Variants in PLPP7 observed in about 807,000 individuals in gnomAD.
The protein encoded by PLPP7 is inactive phospholipid phosphatase 7.
Under a neutral mutation model 16.9 loss-of-function variants are expected in PLPP7, and 11 were observed. The observed-to-expected ratio is 0.65, with a 90% CI of 0.41 to 1.08. PLPP7 has a LOEUF of 1.08. PLPP7 is among the 50% of genes least tolerant of loss of function. PLPP7 has a pLI of 0.00. For missense variants in PLPP7, 358 were observed against 397.1 expected, an observed-to-expected ratio of 0.90 and a Z score of 0.84; for synonymous variants, 174 against 175.1, an observed-to-expected ratio of 0.99 and a Z score of 0.05.
intron 1 of PLPP7, 41 bp from the exon 2 acceptor site, chr9:131,307,882 G>T: frequency 6.6e-7 from 1 of 1,522,252 alleles, no homozygotes; most frequent in Non-Finnish European, 8.8e-7. Flanking sequence ...GGCCTGGCTG[G>T]TGGCCCTGAT....
intron 1 of PLPP7, among the ~76,000 whole-genome samples, chr9:131,293,224 T>G (rs1319582871): frequency 2.3e-5 from 3 of 132,638 alleles, no homozygotes; most frequent in African/African-American, 8.3e-5. Flanking sequence ...TCCTCGCTGC[T>G]CACCGTGGGG....
chr9:131,305,084 A>C (rs927264241), intron 1 of PLPP7, among the ~76,000 whole-genome samples: 1 of 152,224 alleles, frequency 6.6e-6, no homozygotes, highest in Non-Finnish European at 1.5e-5. Flanking sequence ...GGTTCCTCAA[A>C]GAGTCACACA....
intron 1 of PLPP7, among the ~76,000 whole-genome samples, chr9:131,304,852 G>C (rs777702772): frequency 6.6e-6 from 1 of 152,200 alleles, no homozygotes; most frequent in South Asian, 2.1e-4. Context: ...CAGTGACTGC[G>C]GGGGAAAAGC....
At chr9:131,304,851 C>A (rs911300764) in intron 1 of PLPP7, among the ~76,000 whole-genome samples, 1 of 152,142 alleles carries the variant, frequency 6.6e-6, no homozygotes, top group Non-Finnish European at 1.5e-5. Context: ...TCAGTGACTG[C>A]GGGGGAAAAG....
chr9:131,293,590 G>A (rs1564245783), intron 1 of PLPP7, among the ~76,000 whole-genome samples: 1 of 152,228 alleles, frequency 6.6e-6, no homozygotes. Context: ...AGCACACGCT[G>A]CAGGTTCCAT....
chr9:131,292,826 A>C (rs1240521805), intron 1 of PLPP7: 1 of 985,142 alleles, frequency 1.0e-6, no homozygotes, highest in Admixed American at 6.2e-5. Flanking sequence ...TGCCCCAAAC[A>C]TTGAAAAATT....
intron 1 of PLPP7, chr9:131,292,972 T>C: frequency 1.0e-6 from 1 of 984,418 alleles, no homozygotes; most frequent in Non-Finnish European, 1.2e-6. Flanking sequence ...ATAGACATTT[T>C]TAAAAATCTT....
intron 1 of PLPP7, among the ~76,000 whole-genome samples, chr9:131,302,878 G>A (rs574479357): frequency 6.6e-6 from 1 of 152,322 alleles, no homozygotes; most frequent in Admixed American, 6.5e-5. Flanking sequence ...AGGGAGGACT[G>A]CGTGATCTGG....
intron 1 of PLPP7, among the ~76,000 whole-genome samples, chr9:131,303,802 G>A (rs1445410011): frequency 6.6e-6 from 1 of 152,170 alleles, no homozygotes; most frequent in Non-Finnish European, 1.5e-5. Context: ...TGGGAGGTGG[G>A]TGTCCCTGAG....
chr9:131,308,064 C>T lies in PLPP7; in HGVS notation c.593C>T (p.Ala198Val), dbSNP rs1166061490. The change falls in exon 2 of 2, where the codon GCC (alanine) becomes GTC (valine). Residue 198 changes from alanine to valine, a missense_variant. By Grantham distance (64) the Ala-to-Val change is moderately conservative. Coordinates refer to ENST00000372264, the MANE Select transcript of PLPP7 (RefSeq NM_032728.4). ...AFPAGHASRA[A>V]MVSKFFLSHL... Reference sequence around the variant, plus strand: ...CCGGCCGGGCACGCCAGCCGCGCCGCCATGGTGTCCAAGTTCTTCCTCAGC... The same window carrying T: ...CCGGCCGGGCACGCCAGCCGCGCCGTCATGGTGTCCAAGTTCTTCCTCAGC... 1 of 1,601,238 alleles carries T rather than the reference C, an allele frequency of 6.2e-7. No homozygotes were observed. The highest frequency in any genetic ancestry group is 8.5e-7 in the Non-Finnish European group (1 of 1,179,850).
chr9:131,299,643 G>A (rs973342490), intron 1 of PLPP7, among the ~76,000 whole-genome samples: 6 of 152,164 alleles, frequency 3.9e-5, no homozygotes, highest in Admixed American at 2.6e-4. Context: ...AACCCTCCCG[G>A]CCAGACGGCT....
chr9:131,307,530 T>C (rs2478864), intron 1 of PLPP7, among the ~76,000 whole-genome samples: 129,206 of 132,018 alleles, frequency 0.98, 63,292 homozygotes, highest in South Asian at 1. Flanking sequence ...CCAGCCTGGT[T>C]GACAAAGTGA....
intron 1 of PLPP7, among the ~76,000 whole-genome samples, chr9:131,305,499 A>C (rs145259952): frequency 6.6e-5 from 10 of 151,758 alleles, no homozygotes; most frequent in Non-Finnish European, 1.3e-4. Flanking sequence ...AGTTACAGTG[A>C]GTTATGATTG....
intron 1 of PLPP7, among the ~76,000 whole-genome samples, chr9:131,298,153 C>T (rs1438196069): frequency 2.0e-5 from 3 of 152,136 alleles, no homozygotes; most frequent in African/African-American, 7.2e-5. Flanking sequence ...ACATCCCTAA[C>T]GATTTCCCAA....
rs763949540 is a variant in PLPP7 at position 131,290,418 on chromosome 9, G to A, written c.421G>A (p.Gly141Ser). Residue 141 changes from glycine to serine, a missense_variant, in exon 1 of 2, where the codon GGC becomes AGC. Coordinates refer to ENST00000372264, the MANE Select transcript of PLPP7 (RefSeq NM_032728.4). This position sits in a 1 kb window ranked among gnomAD's most constrained non-coding sequence, Gnocchi z 4.2. ...LCLVKSSTLA[G>S]QEVLMNLLLA... is the part of the protein sequence containing the mutation. ...CCTGGTGAAGAGCAGCACACTGGCC[G>A]GCCAGGAGGTGCTCATGAATCTGCT... The A allele has an allele frequency of 1.4e-5, 22 of 1,549,698 alleles. No homozygotes were observed. Among genetic ancestry groups the A allele is most frequent in the Admixed American group, 9.0e-5 (5 of 55,404 alleles).
rs1027519754 is a variant in PLPP7 at position 131,289,884 on chromosome 9, C to T, written c.-114C>T. 1.9e-4 allele frequency: 152 copies of T among 794,222 alleles called. No individual in the cohort carries two copies. Among genetic ancestry groups the T allele is most frequent in the East Asian group, 3.6e-4 (11 of 30,954 alleles). 49.2% of individuals were successfully genotyped at this position (794,222 alleles called of 1,614,324 possible). ...TCCACACTATATTTAACAGCTGCGG[C>T]GGAGAAGGCAGGGAGGCAGCCACGG... On this transcript the variant is annotated 5_prime_UTR_variant, in exon 1 of 2. Transcript: ENST00000372264.
At chr9:131,305,159 AGGCACTC>A (rs1412334273) in intron 1 of PLPP7, among the ~76,000 whole-genome samples, 1 of 152,258 alleles carries the variant, frequency 6.6e-6, no homozygotes, top group African/African-American at 2.4e-5. Context: ...AACTGAAAAC[AGGCACTC>A]GGCAAACACT....
rs186158483 is a variant in PLPP7 at position 131,304,481 on chromosome 9, A to G, written c.452-3442A>G. Among the ~76,000 whole-genome samples, 483 of 152,322 alleles carry G rather than the reference A, an allele frequency of 3.2e-3. 1 individual carries two copies. The highest frequency in any genetic ancestry group is 0.011 in the African/African-American group (454 of 41,564). ...GAAACCCCGTCTCTACTAAAAATAC[A>G]GAAATTAGCCAGCCGTGGTGTCAGG... On this transcript the variant is annotated intron_variant, in intron 1 of 1. Coordinates refer to ENST00000372264, the MANE Select transcript of PLPP7 (RefSeq NM_032728.4).
rs925999880 is a variant in PLPP7 at position 131,295,278 on chromosome 9, C to T, written c.451+4830C>T. Among the ~76,000 whole-genome samples the T allele has an allele frequency of 5.3e-5, 8 of 151,986 alleles. 1 individual carries two copies. In the South Asian group the frequency reaches 1.5e-3, roughly 28 times the overall value. Reference sequence around the variant, plus strand: ...AAGTGATTCTCCTGCCTCACCCTCCCGAGTAGCTGGGATTACAGGTGCCCG... The same window carrying T: ...AAGTGATTCTCCTGCCTCACCCTCCTGAGTAGCTGGGATTACAGGTGCCCG... On this transcript the variant is annotated intron_variant, in intron 1 of 1. Coordinates refer to ENST00000372264, the MANE Select transcript of PLPP7 (RefSeq NM_032728.4). This position sits in a 1 kb window ranked among gnomAD's most constrained non-coding sequence, Gnocchi z 4.0.
Sources: allele counts gnomAD v4.1 joint callset (sites outside exome capture counted in the v4.1 genomes callset), GRCh38; gene constraint gnomAD v4.1.1; non-coding constraint Gnocchi (gnomAD v3.1); transcripts MANE v1.5; gene names NCBI Gene and HGNC (gene_info 2026-07-23, HGNC 2026-07-21).